Variants in GNA14 observed in about 807,000 individuals in gnomAD.
GNA14 encodes the protein guanine nucleotide-binding protein subunit alpha-14.
In GNA14, 50 loss-of-function variants were observed where a neutral mutation model predicts 42.0. The ratio of observed to expected loss-of-function variants is 1.19; its 90% CI spans 0.95 to 1.51. The LOEUF is 1.51. GNA14 is among the 40% of genes most tolerant of loss of function. The pLI, the probability that GNA14 is intolerant of heterozygous loss-of-function variation, is 0.00. For missense variants in GNA14, 473 were observed against 446.2 expected (o/e 1.06, Z -0.54); for synonymous variants, 173 against 163.1 (o/e 1.06, Z -0.46).
At chr9:77,590,353 C>A (rs1823371801) in intron 1 of GNA14, among the ~76,000 whole-genome samples, 1 of 152,180 alleles carries the variant, frequency 6.6e-6, no homozygotes, top group Non-Finnish European at 1.5e-5. Flanking sequence ...TGTTCACATT[C>A]TTGAGGGAGT....
At chr9:77,481,378 C>G (rs1480272362) in intron 2 of GNA14, among the ~76,000 whole-genome samples, 1 of 152,144 alleles carries the variant, frequency 6.6e-6, no homozygotes, top group Non-Finnish European at 1.5e-5. Flanking sequence ...TTTCTTAATC[C>G]TGAGTTCTAG....
intron 1 of GNA14, among the ~76,000 whole-genome samples, chr9:77,609,789 A>G (rs1463548499): frequency 1.3e-5 from 2 of 152,216 alleles, no homozygotes; most frequent in Non-Finnish European, 2.9e-5. Flanking sequence ...AGCGCTTTGA[A>G]CAAATGTGAT....
chr9:77,540,269 T>C (rs951932743), intron 1 of GNA14, among the ~76,000 whole-genome samples: 2 of 152,156 alleles, frequency 1.3e-5, no homozygotes, highest in East Asian at 1.9e-4. Flanking sequence ...TTCCATGTAT[T>C]TTTTATAGTT....
intron 2 of GNA14, among the ~76,000 whole-genome samples, chr9:77,494,243 A>G (rs1192540470): frequency 2.0e-5 from 3 of 152,170 alleles, no homozygotes; most frequent in Non-Finnish European, 4.4e-5. Flanking sequence ...AAATGTCCAT[A>G]TTCTGTTCCA....
chr9:77,522,612 G>A (rs1837376100), intron 2 of GNA14, among the ~76,000 whole-genome samples: 1 of 152,152 alleles, frequency 6.6e-6, no homozygotes, highest in Non-Finnish European at 1.5e-5. Flanking sequence ...ATTATGTTAA[G>A]ACACATATTT....
intron 1 of GNA14, among the ~76,000 whole-genome samples, chr9:77,630,373 C>T (rs1474197082): frequency 2.0e-5 from 3 of 152,136 alleles, no homozygotes; most frequent in Admixed American, 2.0e-4. Flanking sequence ...CCGTCCTGGC[C>T]TCCTCAAGTG....
chr9:77,586,826 G>A (rs1823311488), intron 1 of GNA14, among the ~76,000 whole-genome samples: 1 of 152,164 alleles, frequency 6.6e-6, no homozygotes, highest in Admixed American at 6.5e-5. Flanking sequence ...TACGGTACCC[G>A]TAGTTGACCG....
chr9:77,572,358 T>C (rs1002134224), intron 1 of GNA14, among the ~76,000 whole-genome samples: 2 of 152,184 alleles, frequency 1.3e-5, no homozygotes, highest in African/African-American at 4.8e-5. Context: ...TCCAGACAAA[T>C]CTTCCATTCT....
chr9:77,537,463 T>G (rs1039230318), intron 1 of GNA14, among the ~76,000 whole-genome samples: 4 of 152,216 alleles, frequency 2.6e-5, no homozygotes, highest in Non-Finnish European at 5.9e-5. Context: ...ATACCACACT[T>G]TCTTTATCCA....
chr9:77,458,392 T>C (rs913550138), intron 2 of GNA14, among the ~76,000 whole-genome samples: 2 of 152,148 alleles, frequency 1.3e-5, no homozygotes, highest in African/African-American at 4.8e-5. Flanking sequence ...GGACTAGGAA[T>C]GCGCTGGCCA....
chr9:77,484,204 A>C (rs1836615401), intron 2 of GNA14, among the ~76,000 whole-genome samples: 1 of 152,214 alleles, frequency 6.6e-6, no homozygotes, highest in African/African-American at 2.4e-5. Context: ...AATCTAGCTC[A>C]GAGTAGGAGG....
chr9:77,600,811 G>A lies in GNA14; in HGVS notation c.124+46859C>T, dbSNP rs565399655. ...GCGTGTGCTTGTAATCCCAGCTACT[G>A]GGGAGGCTGAGGCAGGAGAATCGCT... is the stretch of plus-strand genomic sequence containing the variant. On this transcript the variant is annotated intron_variant, in intron 1 of 6. Coordinates refer to ENST00000341700, the MANE Select transcript of GNA14 (RefSeq NM_004297.4). Among the ~76,000 whole-genome samples, 5 of 152,160 alleles carry A rather than the reference G, an allele frequency of 3.3e-5. No homozygotes were observed. The East Asian group carries it at 9.7e-4, about 29-fold the overall frequency.
intron 2 of GNA14, among the ~76,000 whole-genome samples, chr9:77,455,134 A>G (rs1835977285): frequency 6.6e-6 from 1 of 152,210 alleles, no homozygotes; most frequent in Non-Finnish European, 1.5e-5. Context: ...AAGCTCATTC[A>G]GGCTGATGGC....
At chr9:77,632,025 C>G (rs1235864870) in intron 1 of GNA14, among the ~76,000 whole-genome samples, 1 of 152,156 alleles carries the variant, frequency 6.6e-6, no homozygotes, top group African/African-American at 2.4e-5. Context: ...GGAGCCCTAC[C>G]CTGCTGGCCA....
At chr9:77,520,456 C>T (rs936151887) in intron 2 of GNA14, among the ~76,000 whole-genome samples, 1 of 152,172 alleles carries the variant, frequency 6.6e-6, no homozygotes, top group African/African-American at 2.4e-5. Flanking sequence ...CGAGCATGTT[C>T]CTAGCATCAC....
At chr9:77,643,843 C>T (rs1056098557) in intron 1 of GNA14, among the ~76,000 whole-genome samples, 2 of 152,108 alleles carry the variant, frequency 1.3e-5, no homozygotes, top group African/African-American at 4.8e-5. Flanking sequence ...AAAATGACAC[C>T]TCTCTAGGGC....
intron 1 of GNA14, among the ~76,000 whole-genome samples, chr9:77,622,503 T>C (rs1823942555): frequency 6.6e-6 from 1 of 152,088 alleles, no homozygotes; most frequent in Non-Finnish European, 1.5e-5. Context: ...GCAGGGTGGC[T>C]CATGCTTGTA....
intron 2 of GNA14, among the ~76,000 whole-genome samples, chr9:77,460,020 G>A (rs1020179664): frequency 3.9e-5 from 6 of 152,052 alleles, no homozygotes; most frequent in African/African-American, 9.7e-5. Flanking sequence ...TCTCTGCTTT[G>A]GTCTCCCTGT....
intron 1 of GNA14, chr9:77,580,145 A>G (rs1485494321): frequency 4.6e-6 from 1 of 217,248 alleles, no homozygotes; most frequent in Non-Finnish European, 9.4e-6. Context: ...ATAACTCTCA[A>G]TAGTGCCCAC....
Sources: allele counts gnomAD v4.1 joint callset (sites outside exome capture counted in the v4.1 genomes callset), GRCh38; gene constraint gnomAD v4.1.1; transcripts MANE v1.5; gene names NCBI Gene and HGNC (gene_info 2026-07-23, HGNC 2026-07-21).